Variants in SLC14A2 observed in about 807,000 individuals in gnomAD.
SLC14A2 encodes the protein solute carrier family 14 member 2.
In SLC14A2, 91 loss-of-function variants were observed where a neutral mutation model predicts 104.6. The ratio of observed to expected loss-of-function variants is 0.87; its 90% CI spans 0.73 to 1.04. The LOEUF (loss-of-function observed/expected upper bound fraction) is 1.04, where lower values mean the gene tolerates loss of function less well. Ranked by LOEUF, SLC14A2 falls within the 50% of genes least tolerant of loss-of-function variation. The pLI is 0.00. For missense variants in SLC14A2, 1,189 were observed against 1,156.0 expected (o/e 1.03, Z -0.41); for synonymous variants, 476 against 466.4 (o/e 1.02, Z -0.27).
the SLC14A2 span, among the ~76,000 whole-genome samples, chr18:45,187,452 G>A: frequency 5.9e-5 from 9 of 152,244 alleles, 1 homozygote; most frequent in Middle Eastern, 6.8e-3. Context: ...AACAATAAAG[G>A]TTTTAATCTG....
chr18:45,617,895 G>T (rs943877261), intron 1 of SLC14A2, among the ~76,000 whole-genome samples: 1 of 152,194 alleles, frequency 6.6e-6, no homozygotes, highest in Admixed American at 6.5e-5. Context: ...AGAGTCTGGG[G>T]TTGTGTTTGG....
chr18:45,184,188 T>C, the SLC14A2 span, among the ~76,000 whole-genome samples: 1 of 152,226 alleles, frequency 6.6e-6, no homozygotes, highest in Non-Finnish European at 1.5e-5. Context: ...CTTTTGTTTC[T>C]GTCATTATCT....
the SLC14A2 span, among the ~76,000 whole-genome samples, chr18:45,178,424 C>T: frequency 4.0e-5 from 6 of 151,832 alleles, no homozygotes; most frequent in Non-Finnish European, 8.8e-5. Flanking sequence ...TAAAAGCACA[C>T]GTTATTGGCA....
intron 2 of SLC14A2, among the ~76,000 whole-genome samples, chr18:45,584,800 T>C (rs1278695538): frequency 1.3e-5 from 2 of 152,214 alleles, no homozygotes; most frequent in African/African-American, 4.8e-5. Flanking sequence ...AAGACTCTGA[T>C]AGCAGGTTTC....
intron 1 of SLC14A2, among the ~76,000 whole-genome samples, chr18:45,358,183 G>A (rs1568165899): frequency 6.6e-6 from 1 of 152,168 alleles, no homozygotes; most frequent in Non-Finnish European, 1.5e-5. Flanking sequence ...AGGGAGGAAA[G>A]AGTAGAAACC....
chr18:45,298,691 T>C (rs11876273), intron 1 of SLC14A2, among the ~76,000 whole-genome samples: 162 of 152,290 alleles, frequency 1.1e-3, no homozygotes, highest in African/African-American at 3.7e-3. Context: ...ATTCTAATTA[T>C]GAAAATGGAA....
the SLC14A2 span, among the ~76,000 whole-genome samples, chr18:45,199,736 T>C: frequency 2.0e-5 from 3 of 152,208 alleles, no homozygotes; most frequent in Non-Finnish European, 4.4e-5. Flanking sequence ...TCTGGATTCA[T>C]AGGACTCCTT....
intron 2 of SLC14A2, among the ~76,000 whole-genome samples, chr18:45,581,304 GGACA>G (rs1170980278): frequency 6.6e-6 from 1 of 152,174 alleles, no homozygotes; most frequent in Non-Finnish European, 1.5e-5. Context: ...GACAGGTGGG[GGACA>G]GACAGAGAAG....
At chr18:45,548,259 G>A (rs1394440677) in intron 2 of SLC14A2, among the ~76,000 whole-genome samples, 1 of 152,198 alleles carries the variant, frequency 6.6e-6, no homozygotes, top group Non-Finnish European at 1.5e-5. Context: ...AGGGCCTGAG[G>A]CTACCAGAAA....
intron 6 of SLC14A2, 37 bp downstream of exon 6, chr18:45,637,219 A>AT (rs1472246620): frequency 6.4e-7 from 1 of 1,557,048 alleles, no homozygotes; most frequent in Non-Finnish European, 8.8e-7. Flanking sequence ...AGACCCCCAT[A>AT]TTCCACTGCA....
At chr18:45,626,636 A>C (rs1257574415) in intron 3 of SLC14A2, among the ~76,000 whole-genome samples, 1 of 151,438 alleles carries the variant, frequency 6.6e-6, no homozygotes, top group Non-Finnish European at 1.5e-5. Context: ...TGGACCAATA[A>C]ATTTCCCTTG....
intron 2 of SLC14A2, among the ~76,000 whole-genome samples, chr18:45,585,306 C>T (rs977881298): frequency 6.6e-6 from 1 of 152,174 alleles, no homozygotes; most frequent in Non-Finnish European, 1.5e-5. Context: ...GCAGTTATCA[C>T]CTCCCTAGCA....
intron 2 of SLC14A2, among the ~76,000 whole-genome samples, chr18:45,490,223 C>T (rs181434472): frequency 3.9e-5 from 6 of 152,194 alleles, no homozygotes; most frequent in Admixed American, 3.9e-4. Flanking sequence ...GACATCAAAG[C>T]ACAGGAAAAA....
intron 1 of SLC14A2, among the ~76,000 whole-genome samples, chr18:45,249,551 C>T (rs1027699232): frequency 6.6e-6 from 1 of 152,150 alleles, no homozygotes; most frequent in Admixed American, 6.5e-5. Flanking sequence ...TTTTAAGAAA[C>T]ATCTGGCCTC....
intron 18 of SLC14A2, among the ~76,000 whole-genome samples, chr18:45,675,966 T>C (rs2046224273): frequency 1.3e-5 from 2 of 151,984 alleles, no homozygotes; most frequent in Non-Finnish European, 2.9e-5. Context: ...ACAGCCCCAC[T>C]GGAATTAAAT....
intron 2 of SLC14A2, among the ~76,000 whole-genome samples, chr18:45,495,603 G>T (rs1332674407): frequency 6.6e-6 from 1 of 152,194 alleles, no homozygotes; most frequent in African/African-American, 2.4e-5. Context: ...CTATGAGACA[G>T]TGTCCTCTTG....
chr18:45,519,011 G>T (rs940395106), intron 2 of SLC14A2, among the ~76,000 whole-genome samples: 3 of 152,278 alleles, frequency 2.0e-5, no homozygotes, highest in East Asian at 1.9e-4. Context: ...TGGCCTGTTT[G>T]GGGAATCAAT....
chr18:45,172,755 C>A, the SLC14A2 span, among the ~76,000 whole-genome samples: 1 of 152,110 alleles, frequency 6.6e-6, no homozygotes, highest in African/African-American at 2.4e-5. Context: ...CCAATCCAGA[C>A]TCATCCATAG....
At chr18:45,198,139 A>G in the SLC14A2 span, among the ~76,000 whole-genome samples, 1 of 152,188 alleles carries the variant, frequency 6.6e-6, no homozygotes, top group East Asian at 1.9e-4. Context: ...TTTGGAGTTA[A>G]TGAATTATTA....
Sources: gnomAD v4.1 joint callset for allele counts (sites outside exome capture counted in the v4.1 genomes callset) on GRCh38, gnomAD v4.1.1 for gene constraint, MANE v1.5 for transcripts, NCBI Gene and HGNC (gene_info 2026-07-23, HGNC 2026-07-21) for gene names.